STARD13: variants seen among roughly 807,000 people sequenced by gnomAD.
The protein encoded by STARD13 is StAR related lipid transfer domain containing 13.
STARD13 carries 62 observed loss-of-function variants against 106.4 expected under a neutral mutation model. The observed-to-expected ratio is 0.58, with a 90% CI of 0.48 to 0.72. The LOEUF (loss-of-function observed/expected upper bound fraction) is 0.72. Among genes scored for constraint, STARD13 ranks in the 30% least tolerant of loss-of-function variants. The pLI is 0.00. For missense variants in STARD13, 1,387 were observed against 1,424.0 expected, an observed-to-expected ratio of 0.97 and a Z score of 0.42; for synonymous variants, 565 against 553.0, an observed-to-expected ratio of 1.02 and a Z score of -0.31.
the STARD13 span, among the ~76,000 whole-genome samples, chr13:33,429,410 T>C: frequency 9.9e-5 from 15 of 151,954 alleles, no homozygotes; most frequent in South Asian, 4.1e-4. Flanking sequence ...TCCTGGCTAA[T>C]ACGGTGAAAC....
chr13:33,272,137 C>T (rs890671312), intron 1 of STARD13, among the ~76,000 whole-genome samples: 7 of 152,194 alleles, frequency 4.6e-5, no homozygotes, highest in African/African-American at 1.7e-4. Flanking sequence ...CTTGGTACAT[C>T]ACAGTGGGTC....
chr13:33,126,198 G>A lies in STARD13; in HGVS notation c.1965C>T (p.Tyr655=). 6.2e-7 allele frequency: 1 copy of A among 1,614,200 alleles called. No individual in the cohort carries two copies. The highest frequency in any genetic ancestry group is 8.5e-7 in the Non-Finnish European group (1 of 1,180,044). ...KFMKRMKVPD[Y]KDKAVFGVPL... is the part of the protein sequence containing the mutation. ...GAACGCCAAAGACAGCCTTGTCTTT[G>A]TAGTCGGGAACTTTCATCCTCTTCA... The change falls in exon 7 of 14, where the codon TAC becomes TAT. Residue 655 remains tyrosine (Y), a synonymous_variant. Transcript: ENST00000336934.
At chr13:33,606,953 A>G in the STARD13 span, among the ~76,000 whole-genome samples, 1 of 152,180 alleles carries the variant, frequency 6.6e-6, no homozygotes, top group Non-Finnish European at 1.5e-5. Context: ...CACTGGGTGC[A>G]CCTGGATAAT....
chr13:33,352,318 T>C (rs7996816), upstream of STARD13, among the ~76,000 whole-genome samples: 19,586 of 152,214 alleles, frequency 0.13, 1,579 homozygotes, highest in Middle Eastern at 0.21. Context: ...AACAACAAAA[T>C]GTTTATCAAT....
intron 1 of STARD13, chr13:33,279,516 C>T (rs1183630980): frequency 6.6e-6 from 1 of 152,174 alleles, no homozygotes; most frequent in East Asian, 1.9e-4. Flanking sequence ...ACAGAAGTTT[C>T]AACATTCTGC....
At chr13:33,444,230 G>T in the STARD13 span, among the ~76,000 whole-genome samples, 1 of 152,184 alleles carries the variant, frequency 6.6e-6, no homozygotes, top group African/African-American at 2.4e-5. Flanking sequence ...AACCCTTTCT[G>T]TTGTGTAGGT....
the STARD13 span, chr13:33,654,630 T>G: frequency 6.6e-6 from 1 of 152,204 alleles, no homozygotes; most frequent in Non-Finnish European, 1.5e-5. Flanking sequence ...GTGAATCACA[T>G]CTCAAAAACT....
chr13:33,150,787 G>A (rs1309129448), intron 3 of STARD13, among the ~76,000 whole-genome samples: 1 of 152,220 alleles, frequency 6.6e-6, no homozygotes, highest in African/African-American at 2.4e-5. Context: ...CAGAATCCTT[G>A]AGAAGGGCTA....
At chr13:33,193,039 C>T (rs929681295) in intron 1 of STARD13, among the ~76,000 whole-genome samples, 2 of 152,114 alleles carry the variant, frequency 1.3e-5, no homozygotes. Flanking sequence ...TCATTCATAA[C>T]TAAATGGGAA....
At chr13:33,536,564 G>A in the STARD13 span, among the ~76,000 whole-genome samples, 1 of 152,126 alleles carries the variant, frequency 6.6e-6, no homozygotes, top group African/African-American at 2.4e-5. Context: ...ATAAACATTA[G>A]GGATGTATAT....
the STARD13 span, among the ~76,000 whole-genome samples, chr13:33,596,659 A>G: frequency 2.0e-5 from 3 of 152,146 alleles, no homozygotes; most frequent in Admixed American, 2.0e-4. Flanking sequence ...TTCTAACTGT[A>G]TGTTTTATCC....
chr13:33,591,384 T>G, the STARD13 span, among the ~76,000 whole-genome samples: 2 of 152,258 alleles, frequency 1.3e-5, no homozygotes, highest in Admixed American at 1.3e-4. Flanking sequence ...TTGCATGTGT[T>G]ATATGCATAT....
At chr13:33,664,848 G>A in the STARD13 span, among the ~76,000 whole-genome samples, 1 of 152,104 alleles carries the variant, frequency 6.6e-6, no homozygotes, top group African/African-American at 2.4e-5. Context: ...CTATGGTCTC[G>A]ATCCCCTGAC....
the STARD13 span, among the ~76,000 whole-genome samples, chr13:33,451,993 T>C: frequency 6.6e-6 from 1 of 152,204 alleles, no homozygotes; most frequent in Non-Finnish European, 1.5e-5. Flanking sequence ...AATAATTTAC[T>C]TCAAGAAACT....
intron 1 of STARD13, among the ~76,000 whole-genome samples, chr13:33,268,293 C>A (rs1050001301): frequency 1.3e-5 from 2 of 152,196 alleles, no homozygotes; most frequent in African/African-American, 4.8e-5. Context: ...ACACTCATTT[C>A]AGATTCACTA....
the STARD13 span, among the ~76,000 whole-genome samples, chr13:33,393,393 T>C: frequency 6.6e-6 from 1 of 152,164 alleles, no homozygotes; most frequent in Admixed American, 6.5e-5. Context: ...AAAAGCAATG[T>C]CAGCATGGTG....
the STARD13 span, among the ~76,000 whole-genome samples, chr13:33,531,155 G>A: frequency 1.1e-4 from 17 of 152,106 alleles, no homozygotes; most frequent in African/African-American, 1.9e-4. Flanking sequence ...CTCTCTTCTC[G>A]TCTGCCATGT....
chr13:33,491,917 C>A, the STARD13 span, among the ~76,000 whole-genome samples: 3 of 152,124 alleles, frequency 2.0e-5, 1 homozygote, highest in South Asian at 6.2e-4. Context: ...AGCAATAAAG[C>A]TTTTTAATCA....
intron 1 of STARD13, among the ~76,000 whole-genome samples, chr13:33,168,731 A>G (rs1883612130): frequency 1.3e-5 from 2 of 152,184 alleles, no homozygotes; most frequent in Admixed American, 1.3e-4. Flanking sequence ...AATGATCTAC[A>G]CTAACATCAC....
Sources: allele counts gnomAD v4.1 joint callset (sites outside exome capture counted in the v4.1 genomes callset), GRCh38; gene constraint gnomAD v4.1.1; transcripts MANE v1.5; gene names NCBI Gene and HGNC (gene_info 2026-07-23, HGNC 2026-07-21).